The following ZZZ3 variants were observed in gnomAD, a reference collection of about 807,000 sequenced individuals.
The protein encoded by ZZZ3 is ZZ-type zinc finger-containing protein 3.
In ZZZ3, 22 loss-of-function variants were observed where a neutral mutation model predicts 95.2. That is an observed-to-expected ratio of 0.23 (90% CI 0.17 to 0.33). ZZZ3 has a LOEUF of 0.33. Among genes scored for constraint, ZZZ3 ranks in the 10% least tolerant of loss-of-function variants. The pLI, the probability that ZZZ3 is intolerant of heterozygous loss-of-function variation, is 1.00. For synonymous variants in ZZZ3, 335 were observed against 358.9 expected (o/e 0.93, Z 0.75); for missense variants, 885 against 1,066.5 (o/e 0.83, Z 2.37).
At chr1:77,659,375 C>A (rs926601864) in intron 1 of ZZZ3, among the ~76,000 whole-genome samples, 4 of 151,788 alleles carry the variant, frequency 2.6e-5, no homozygotes, top group Admixed American at 6.6e-5. Context: ...ATTTAAAAAA[C>A]CAGTTGATCC....
intron 5 of ZZZ3, among the ~76,000 whole-genome samples, chr1:77,628,266 C>A (rs2100825664): frequency 6.6e-6 from 1 of 152,304 alleles, no homozygotes; most frequent in South Asian, 2.1e-4. Context: ...CCCTGAAGAT[C>A]AAAGAGCCTT....
chr1:77,583,649 T>C (rs915996412), intron 6 of ZZZ3, among the ~76,000 whole-genome samples: 6 of 152,198 alleles, frequency 3.9e-5, no homozygotes, highest in African/African-American at 1.4e-4. Context: ...TAACACCTGG[T>C]AGACCACTTT....
At chr1:77,656,646 AT>A in intron 1 of ZZZ3, among the ~76,000 whole-genome samples, 1 of 152,298 alleles carries the variant, frequency 6.6e-6, no homozygotes, top group South Asian at 2.1e-4. Context: ...ATTGCTCTAA[AT>A]TCTTGAATTT....
chr1:77,636,976 A>G (rs1668363337), intron 4 of ZZZ3, among the ~76,000 whole-genome samples: 1 of 152,150 alleles, frequency 6.6e-6, no homozygotes, highest in South Asian at 2.1e-4. Context: ...GTTTTATAAC[A>G]AGGATCCTTG....
Position 77,632,009 on chromosome 1 carries a change from C to A in ZZZ3, c.1346G>T (p.Ser449Ile). ...GICCDSQNNG[S>I]EGVSKPPSEA... ...TGAGGGTGGTTTACTTACTCCTTCA[C>A]TTCCATTATTTTGAGAGTCACAACA... The change falls in exon 5 of 15, where the codon AGT becomes ATT. Residue 449 changes from serine (S) to isoleucine (I), a missense_variant. This residue lies in a region of ZZZ3 where 556 missense variants were observed against 652.9 expected (regional missense o/e 0.85). Coordinates refer to ENST00000370801, the MANE Select transcript of ZZZ3 (RefSeq NM_015534.6). The A allele has an allele frequency of 1.2e-6, 2 of 1,614,086 alleles. No individual in the cohort carries two copies. Among genetic ancestry groups the A allele is most frequent in the Non-Finnish European group, 1.7e-6 (2 of 1,179,986 alleles).
intron 1 of ZZZ3, among the ~76,000 whole-genome samples, chr1:77,667,783 TGAGA>T (rs1439866964): frequency 1.5e-5 from 2 of 132,592 alleles, no homozygotes; most frequent in African/African-American, 3.1e-5. Context: ...TTTTTTTTTT[TGAGA>T]GAGAGTCTCG....
At chr1:77,682,693 A>G (rs1422411683), upstream of ZZZ3, 3 of 152,154 alleles carry the variant, frequency 2.0e-5, no homozygotes, top group Admixed American at 6.5e-5. Flanking sequence ...CTCGCGATAC[A>G]AACCCACTCG....
chr1:77,606,377 G>T (rs1368443655), intron 5 of ZZZ3, among the ~76,000 whole-genome samples: 1 of 152,194 alleles, frequency 6.6e-6, no homozygotes, highest in Admixed American at 6.5e-5. Flanking sequence ...CTGGCTCCGG[G>T]ATGGCATCTC....
intron 1 of ZZZ3, among the ~76,000 whole-genome samples, chr1:77,677,598 G>A (rs1018935822): frequency 1.3e-5 from 2 of 152,026 alleles, no homozygotes; most frequent in Admixed American, 6.6e-5. Context: ...CCTTCAAAAT[G>A]TACCTAAAAA....
Position 77,588,201 on chromosome 1 carries a change from T to C in ZZZ3, c.1506-3546A>G, listed in dbSNP as rs562989157. ...TAACATTTACTGAATGCGTACTACA[T>C]GCCAGACAAATGTTGCATTTTAAAT... On this transcript the variant is annotated intron_variant, in intron 5 of 14. Transcript: ENST00000370801. Among the ~76,000 whole-genome samples the C allele has an allele frequency of 2.0e-4, 30 of 152,276 alleles. No individual in the cohort carries two copies. The South Asian group carries it at 6.0e-3, about 31-fold the overall frequency.
At chr1:77,576,780 CA>C (rs931455706) in intron 11 of ZZZ3, among the ~76,000 whole-genome samples, 26 of 90,884 alleles carry the variant, frequency 2.9e-4, no homozygotes, top group East Asian at 1.7e-3. Context: ...AAAAAAACAA[CA>C]AAAAAAAAAT....
At chr1:77,658,880 C>A (rs1250681347) in intron 1 of ZZZ3, among the ~76,000 whole-genome samples, 2 of 152,184 alleles carry the variant, frequency 1.3e-5, no homozygotes, top group African/African-American at 4.8e-5. Context: ...TTGAAGGACA[C>A]TGTCAGGTGG....
At chr1:77,676,710 A>G (rs1357304143) in intron 1 of ZZZ3, among the ~76,000 whole-genome samples, 1 of 152,250 alleles carries the variant, frequency 6.6e-6, no homozygotes, top group African/African-American at 2.4e-5. Flanking sequence ...TATTAAACAT[A>G]TCACAGAATC....
intron 1 of ZZZ3, among the ~76,000 whole-genome samples, chr1:77,650,497 G>A (rs1474124341): frequency 6.6e-6 from 1 of 151,970 alleles, no homozygotes; most frequent in Non-Finnish European, 1.5e-5. Context: ...TAAATAACAT[G>A]CTTCTAAATG....
intron 1 of ZZZ3, among the ~76,000 whole-genome samples, chr1:77,642,438 C>A (rs1668861255): frequency 6.6e-6 from 1 of 152,088 alleles, no homozygotes; most frequent in African/African-American, 2.4e-5. Context: ...GAGTACAAAT[C>A]TACGTGGAAA....
chr1:77,634,178 AT>A (rs1158177038), intron 4 of ZZZ3, among the ~76,000 whole-genome samples: 6 of 151,180 alleles, frequency 4.0e-5, no homozygotes, highest in Admixed American at 1.3e-4. Context: ...AAAAAAATAA[AT>A]AAATAAATAA....
rs1208322266 is a variant in ZZZ3 at position 77,579,578 on chromosome 1, A to C, written c.2031T>G (p.Ser677=). Residue 677 remains serine (S), a synonymous_variant, in exon 10 of 15, where the codon TCT becomes TCG. Transcript: ENST00000370801. Reference sequence around the variant, plus strand: ...CATCTGCTATCTTCTGCCAGCGTCGAGATTCTACTTCTTCAGGAGGGTATT... The same window carrying C: ...CATCTGCTATCTTCTGCCAGCGTCGCGATTCTACTTCTTCAGGAGGGTATT... The part of the protein sequence containing the change: ...LIKYPPEEVE[S]RRWQKIADEL... The C allele has an allele frequency of 6.3e-7, 1 of 1,588,496 alleles. No homozygotes were observed. Among genetic ancestry groups the C allele is most frequent in the Non-Finnish European group, 8.5e-7 (1 of 1,169,624 alleles).
rs1192000412 is a variant in ZZZ3 at position 77,632,234 on chromosome 1, T to C, written c.1121A>G (p.His374Arg). The change falls in exon 5 of 15, where the codon CAT becomes CGT. Residue 374 changes from histidine (H) to arginine (R), a missense_variant. His to Arg is a conservative substitution (Grantham distance 29, BLOSUM62 0). Transcript: ENST00000370801. Reference sequence around the variant, plus strand: ...TGGTGAGGTTCTCAGAGTATAACGATGTTCTTGAGGTTCTGATAAAGACAT... The same window carrying C: ...TGGTGAGGTTCTCAGAGTATAACGACGTTCTTGAGGTTCTGATAAAGACAT... ...QMMSLSEPQEHRYTLRTSPRR... is the reference protein window; with the variant it reads ...QMMSLSEPQERRYTLRTSPRR... 1.2e-6 allele frequency: 2 copies of C among 1,614,002 alleles called. No individual in the cohort carries two copies. Among genetic ancestry groups the C allele is most frequent in the Admixed American group, 1.7e-5 (1 of 60,006 alleles).
rs746737696 is a variant in ZZZ3, at chr1:77,568,352, C to T, written c.2446G>A (p.Val816Met). The change falls in exon 13 of 15, where the codon GTG (valine) becomes ATG (methionine). Residue 816 changes from valine (V) to methionine (M), a missense_variant. Val to Met is a conservative substitution (Grantham distance 21). Coordinates refer to ENST00000370801, the MANE Select transcript of ZZZ3 (RefSeq NM_015534.6). ...LQQMQAESGF[V>M]QHVGFKCDNC... is the part of the protein sequence containing the mutation. ...CTTACCTTAAAGCCCACATGTTGCACAAATCCACTTTCAGCTTGCATTTGC... is the reference window on the plus strand; with the variant it reads ...CTTACCTTAAAGCCCACATGTTGCATAAATCCACTTTCAGCTTGCATTTGC... 6.3e-7 allele frequency: 1 copy of T among 1,590,378 alleles called. No homozygotes were observed. The highest frequency in any genetic ancestry group is 8.5e-7 in the Non-Finnish European group (1 of 1,172,750).
Sources: gnomAD v4.1 joint callset for allele counts (sites outside exome capture counted in the v4.1 genomes callset) on GRCh38, gnomAD v4.1.1 for gene constraint, gnomAD v4.1.1 regional missense constraint, MANE v1.5 for transcripts, NCBI Gene and HGNC (gene_info 2026-07-23, HGNC 2026-07-21) for gene names.